BIRC5: variants seen among roughly 807,000 people sequenced by gnomAD.
BIRC5 encodes the protein baculoviral IAP repeat-containing protein 5.
A neutral mutation model predicts 15.8 loss-of-function variants in BIRC5; 8 were observed. That is an observed-to-expected ratio of 0.51 (90% confidence interval 0.30 to 0.91). The LOEUF is 0.91. Ranked by LOEUF, BIRC5 falls within the 40% of genes least tolerant of loss-of-function variation. BIRC5 has a pLI of 0.07. For missense variants in BIRC5, 163 were observed against 178.6 expected, an observed-to-expected ratio of 0.91 and a Z score of 0.50; for synonymous variants, 56 against 64.5, an observed-to-expected ratio of 0.87 and a Z score of 0.63.
intron 3 of BIRC5, among the ~76,000 whole-genome samples, chr17:78,221,974 A>T (rs534311266): frequency 6.6e-6 from 1 of 152,044 alleles, no homozygotes; most frequent in African/African-American, 2.4e-5. Context: ...AGGCAGGAGG[A>T]TTCATTGAGC....
At chr17:78,220,383 G>T (rs1035039769) in intron 3 of BIRC5, among the ~76,000 whole-genome samples, 7 of 151,552 alleles carry the variant, frequency 4.6e-5, no homozygotes, top group Admixed American at 1.3e-4. Flanking sequence ...AGCCGAGATC[G>T]CGCCACTGCA....
intron 3 of BIRC5, among the ~76,000 whole-genome samples, chr17:78,218,286 ATTTATTTATTTTTAATTTTTTTT>A (rs1265189922): frequency 6.6e-6 from 1 of 150,640 alleles, no homozygotes. Flanking sequence ...TTATTTATTT[ATTTATTTATTTTTAATTTTTTTT>A]TTTGAGACGA....
At position 78,216,655 on chromosome 17, in the gene BIRC5, T is replaced by C. The variant is rs764695425; in HGVS notation, c.222-9T>C. The C allele has an allele frequency of 1.9e-6, 3 of 1,612,564 alleles. No individual in the cohort carries two copies. The South Asian group carries it at 3.3e-5, about 18-fold the overall frequency. ...AGCTGCCTTTCCGCTGTTGTTTTGA[T>C]TTTTCTAGAGAGGAACATAAAAAGC... On this transcript the variant is annotated splice_polypyrimidine_tract_variant and intron_variant, in intron 2 of 3. Transcript: ENST00000350051.
At chr17:78,215,032 C>G in intron 2 of BIRC5, 1 of 450,196 alleles carries the variant, frequency 2.2e-6, no homozygotes. Flanking sequence ...TCATGTTCAA[C>G]AGAATACATC....
rs779336150 is a variant in BIRC5, at chr17:78,223,896, G to A, written c.*342G>A. The stretch of plus-strand genomic sequence containing the variant: ...TTTGCTAGAGCTGACAGCTTTGTTC[G>A]CGTGGGCAGAGCCTTCCACAGTGAA... On this transcript the variant is annotated 3_prime_UTR_variant, in exon 4 of 4. Coordinates refer to ENST00000350051, the MANE Select transcript of BIRC5 (RefSeq NM_001168.3). 2.0e-5 allele frequency: 8 copies of A among 407,822 alleles called. No individual in the cohort carries two copies. In the South Asian group the frequency reaches 2.0e-4, roughly 10 times the overall value. The allele number at this position is 407,822 out of a possible 1,614,324, so 25.3% of individuals were successfully genotyped here.
chr17:78,223,301 C>T lies in BIRC5; in HGVS notation c.340-164C>T, dbSNP rs142521887. Among the ~76,000 whole-genome samples, 704 of 152,322 alleles carry T rather than the reference C, an allele frequency of 4.6e-3. 3 individuals carry two copies. The highest frequency in any genetic ancestry group is 7.6e-3 in the Non-Finnish European group (515 of 68,042). On this transcript the variant is annotated intron_variant, in intron 3 of 3. Transcript: ENST00000350051. ...TAAACTAGAGGGAGTTGAGCTGAATCAGGATGTTTGTCCCAGGTAGCTGGG... is the reference window on the plus strand; with the variant it reads ...TAAACTAGAGGGAGTTGAGCTGAATTAGGATGTTTGTCCCAGGTAGCTGGG...
At chr17:78,216,802 C>G in intron 3 of BIRC5, 21 bp downstream of exon 3, 3 of 1,569,620 alleles carry the variant, frequency 1.9e-6, no homozygotes, top group Non-Finnish European at 8.8e-7. Flanking sequence ...GGAATAAGAA[C>G]TGCTCAAACC....
chr17:78,223,832 AC>A lies in BIRC5; in HGVS notation c.*280del. ...TTTTGCTGTTTTGATTCCCGGGCTT[AC>A]CAGGTGAGAAGTGAGGGAGGAAGAA... On this transcript the variant is annotated 3_prime_UTR_variant, in exon 4 of 4. Transcript: ENST00000350051. The A allele has an allele frequency of 1.7e-6, 1 of 594,478 alleles. No individual in the cohort carries two copies. Among genetic ancestry groups the A allele is most frequent in the Non-Finnish European group, 2.8e-6 (1 of 362,574 alleles). 36.8% of individuals were successfully genotyped at this position (594,478 alleles called of 1,614,324 possible).
chr17:78,220,720 C>CT (rs17881004), intron 3 of BIRC5, among the ~76,000 whole-genome samples: 3,826 of 152,040 alleles, frequency 0.025, 155 homozygotes, highest in African/African-American at 0.087. Flanking sequence ...ACAATATAAT[C>CT]TTTTTTTTGT....
chr17:78,214,476 C>A (rs768778329), intron 1 of BIRC5, 49 bp downstream of exon 1: 1 of 1,468,712 alleles, frequency 6.8e-7, no homozygotes, highest in East Asian at 2.4e-5. Flanking sequence ...CTTGCCCTGT[C>A]CCTAGCGAGG....
At position 78,216,650 on chromosome 17, in the gene BIRC5, T is replaced by C; in HGVS notation, c.222-14T>C. Reference sequence around the variant, plus strand: ...CCTTCAGCTGCCTTTCCGCTGTTGTTTTGATTTTTCTAGAGAGGAACATAA... The same window carrying C: ...CCTTCAGCTGCCTTTCCGCTGTTGTCTTGATTTTTCTAGAGAGGAACATAA... On this transcript the variant is annotated splice_polypyrimidine_tract_variant and intron_variant, in intron 2 of 3. Transcript: ENST00000350051. 6.2e-7 allele frequency: 1 copy of C among 1,611,826 alleles called. No individual in the cohort carries two copies. Among genetic ancestry groups the C allele is most frequent in the Non-Finnish European group, 8.5e-7 (1 of 1,178,472 alleles).
rs1349263111 is a variant in BIRC5 at position 78,224,354 on chromosome 17, C to G, written c.*800C>G. The G allele has an allele frequency of 3.3e-5, 5 of 152,210 alleles. No individual in the cohort carries two copies. Among genetic ancestry groups the G allele is most frequent in the African/African-American group, 1.2e-4 (5 of 41,436 alleles). 9.4% of individuals were successfully genotyped at this position (152,210 alleles called of 1,614,324 possible). ...GACAGGCCCAGTGAGCCGCGGGGCA[C>G]ATGCTGGCCGCTCCTCCCTCAGAAA... On this transcript the variant is annotated 3_prime_UTR_variant, in exon 4 of 4. Coordinates refer to ENST00000350051, the MANE Select transcript of BIRC5 (RefSeq NM_001168.3).
Position 78,214,712 on chromosome 17 carries a change from T to C in BIRC5, c.144T>C (p.Thr48=). The C allele has an allele frequency of 6.2e-7, 1 of 1,610,888 alleles. No homozygotes were observed. Among genetic ancestry groups the C allele is most frequent in the Non-Finnish European group, 8.5e-7 (1 of 1,178,770 alleles). The change falls in exon 2 of 4, where the codon ACT becomes ACC. Residue 48 remains threonine, a synonymous_variant. Coordinates refer to ENST00000350051, the MANE Select transcript of BIRC5 (RefSeq NM_001168.3). ...AGGCTGGCTTCATCCACTGCCCCAC[T>C]GAGAACGAGCCAGACTTGGCCCAGT... The part of the protein sequence containing the change: ...MAEAGFIHCP[T]ENEPDLAQCF...
chr17:78,217,857 C>T (rs1447773410), intron 3 of BIRC5, among the ~76,000 whole-genome samples: 2 of 151,740 alleles, frequency 1.3e-5, no homozygotes, highest in African/African-American at 4.8e-5. Flanking sequence ...CAGTGGTACA[C>T]CATAGCTCAC....
Position 78,214,308 on chromosome 17 carries a change from G to C in BIRC5, c.-9G>C, listed in dbSNP as rs2076461255. ...CGCGGGACCCGTTGGCAGAGGTGGC[G>C]GCGGCGGCATGGGTGCCCCGACGTT... On this transcript the variant is annotated 5_prime_UTR_variant, in exon 1 of 4. Transcript: ENST00000350051. 3 of 1,599,340 alleles carry C rather than the reference G, an allele frequency of 1.9e-6. No homozygotes were observed. In the African/African-American group the frequency reaches 4.1e-5, roughly 22 times the overall value.
intron 2 of BIRC5, chr17:78,215,049 C>T: frequency 2.5e-6 from 1 of 401,918 alleles, no homozygotes; most frequent in Non-Finnish European, 4.7e-6. Flanking sequence ...CATCAGCAGA[C>T]CCTGTTGTTG....
intron 3 of BIRC5, chr17:78,222,718 C>T: frequency 7.3e-7 from 1 of 1,369,140 alleles, no homozygotes; most frequent in Non-Finnish European, 9.6e-7. Context: ...CAAATTTAAC[C>T]CAATAAAGGT....
intron 3 of BIRC5, chr17:78,222,831 A>C (rs1170434849): frequency 8.5e-6 from 13 of 1,535,918 alleles, no homozygotes; most frequent in Non-Finnish European, 1.1e-5. Flanking sequence ...CCCTTAGGAG[A>C]GAGCTCTGTT....
At chr17:78,218,553 G>GT (rs1374991211) in intron 3 of BIRC5, among the ~76,000 whole-genome samples, 3 of 150,434 alleles carry the variant, frequency 2.0e-5, no homozygotes, top group Admixed American at 6.6e-5. Flanking sequence ...GCCTCCCAGA[G>GT]TGCTGGGATT....
Sources: allele counts gnomAD v4.1 joint callset (sites outside exome capture counted in the v4.1 genomes callset), GRCh38; gene constraint gnomAD v4.1.1; transcripts MANE v1.5; gene names NCBI Gene and HGNC (gene_info 2026-07-23, HGNC 2026-07-21).